CRPPA: variants seen among roughly 807,000 people sequenced by gnomAD.
CRPPA encodes CDP-L-ribitol pyrophosphorylase A.
A neutral mutation model predicts 52.0 loss-of-function variants in CRPPA; 43 were observed. The ratio of observed to expected loss-of-function variants is 0.83; its 90% confidence interval spans 0.65 to 1.07. CRPPA has a LOEUF of 1.07. Among genes scored for constraint, CRPPA ranks in the 50% least tolerant of loss-of-function variants. The pLI is 0.00. For missense variants in CRPPA, 629 were observed against 551.7 expected (o/e 1.14, Z -1.40); for synonymous variants, 250 against 203.5 (o/e 1.23, Z -1.94).
chr7:16,246,998 C>A (rs1236218359), intron 8 of CRPPA, among the ~76,000 whole-genome samples: 1 of 152,226 alleles, frequency 6.6e-6, no homozygotes, highest in Non-Finnish European at 1.5e-5. Context: ...CCCTACCTGG[C>A]ATGTTCTTCC....
At chr7:16,292,328 G>C (rs1329946370) in intron 5 of CRPPA, among the ~76,000 whole-genome samples, 2 of 151,914 alleles carry the variant, frequency 1.3e-5, no homozygotes, top group Admixed American at 6.6e-5. Context: ...CAGGAGGTCA[G>C]TTGTCCTTTT....
chr7:16,188,371 A>C (rs1781546114), intron 9 of CRPPA, among the ~76,000 whole-genome samples: 1 of 152,194 alleles, frequency 6.6e-6, no homozygotes, highest in Non-Finnish European at 1.5e-5. Flanking sequence ...ATGACTATTA[A>C]ATACATAGTT....
chr7:16,412,680 T>G (rs1283450547), intron 1 of CRPPA, among the ~76,000 whole-genome samples: 1 of 152,214 alleles, frequency 6.6e-6, no homozygotes, highest in Non-Finnish European at 1.5e-5. Flanking sequence ...CCTCACACAG[T>G]GTCTACCGAT....
chr7:16,370,550 T>C (rs1311442243), intron 3 of CRPPA, among the ~76,000 whole-genome samples: 2 of 152,044 alleles, frequency 1.3e-5, no homozygotes, highest in African/African-American at 4.8e-5. Flanking sequence ...GGAAGTCCCA[T>C]TCCTAGGGAA....
chr7:16,169,767 T>C (rs1253192842), intron 9 of CRPPA, among the ~76,000 whole-genome samples: 2 of 152,224 alleles, frequency 1.3e-5, no homozygotes, highest in Non-Finnish European at 2.9e-5. Flanking sequence ...ACACCACTTC[T>C]GGACAACTGG....
At chr7:16,308,727 T>A (rs1185367174) in intron 3 of CRPPA, 100 bp from the exon 4 acceptor site, 2 of 722,066 alleles carry the variant, frequency 2.8e-6, no homozygotes, top group African/African-American at 3.5e-5. Flanking sequence ...AGGAAGGGCC[T>A]AGGGGGCTCA....
intron 2 of CRPPA, among the ~76,000 whole-genome samples, chr7:16,402,589 G>A (rs2128317747): frequency 6.6e-6 from 1 of 151,880 alleles, no homozygotes; most frequent in East Asian, 1.9e-4. Flanking sequence ...GGCAATAGAA[G>A]ATAAAAAACA....
At chr7:16,152,358 T>C (rs2128379162) in intron 9 of CRPPA, among the ~76,000 whole-genome samples, 1 of 152,024 alleles carries the variant, frequency 6.6e-6, no homozygotes, top group South Asian at 2.1e-4. Flanking sequence ...TTTATTTTAA[T>C]AGAAAAAAAC....
At chr7:16,279,783 A>G (rs2128418072) in intron 5 of CRPPA, among the ~76,000 whole-genome samples, 1 of 152,360 alleles carries the variant, frequency 6.6e-6, no homozygotes, top group South Asian at 2.1e-4. Flanking sequence ...GTAGGTAGTC[A>G]CATAAACGTA....
At chr7:16,272,712 G>A (rs1265451189) in intron 6 of CRPPA, among the ~76,000 whole-genome samples, 2 of 152,106 alleles carry the variant, frequency 1.3e-5, no homozygotes, top group Non-Finnish European at 2.9e-5. Context: ...CAGACATTAG[G>A]TATTAGCCCT....
chr7:16,170,866 G>A (rs922683779), intron 9 of CRPPA, among the ~76,000 whole-genome samples: 42 of 152,350 alleles, frequency 2.8e-4, no homozygotes, highest in African/African-American at 1.0e-3. Context: ...CGCTCCGAGT[G>A]TGGGGGTCCC....
intron 9 of CRPPA, among the ~76,000 whole-genome samples, chr7:16,157,855 T>G (rs773964652): frequency 2.0e-5 from 3 of 151,914 alleles, no homozygotes; most frequent in Non-Finnish European, 2.9e-5. Flanking sequence ...TTTCCCTTTT[T>G]CTAAATGTAG....
chr7:16,170,791 A>G (rs1284636895), intron 9 of CRPPA, among the ~76,000 whole-genome samples: 1 of 152,024 alleles, frequency 6.6e-6, no homozygotes, highest in African/African-American at 2.4e-5. Context: ...GTGCTGGGGG[A>G]CCTGGTGCAC....
In CRPPA at chr7:16,089,207, C is replaced by T. The variant is rs753515691; in HGVS notation, c.*2488G>A. 4.0e-4 allele frequency: 138 copies of T among 346,940 alleles called. 1 individual carries two copies. The highest frequency in any genetic ancestry group is 2.9e-3 in the Middle Eastern group (3 of 1,052). The allele number at this position is 346,940 out of a possible 1,614,324, so 21.5% of individuals were successfully genotyped here. A position where few individuals can be genotyped will look rare whatever the true frequency, so the allele number is the denominator to read the frequency against. On this transcript the variant is annotated 3_prime_UTR_variant, in exon 10 of 10. Coordinates refer to ENST00000407010, the MANE Select transcript of CRPPA (RefSeq NM_001101426.4). ...ATACATATATGTGTGTATATACGTA[C>T]GTATATACATATATGTGTGTATGCG...
chr7:16,373,064 G>A (rs1404802651), intron 3 of CRPPA, among the ~76,000 whole-genome samples: 1 of 152,192 alleles, frequency 6.6e-6, no homozygotes, highest in Non-Finnish European at 1.5e-5. Context: ...GGAGGCCAAC[G>A]CAGACGGTTC....
intron 5 of CRPPA, among the ~76,000 whole-genome samples, chr7:16,279,800 C>T (rs1784284195): frequency 6.6e-6 from 1 of 152,156 alleles, no homozygotes; most frequent in African/African-American, 2.4e-5. Flanking sequence ...CGTAGTGTGA[C>T]CAACAACCAA....
chr7:16,188,903 G>T (rs768987951), intron 9 of CRPPA, among the ~76,000 whole-genome samples: 2 of 152,028 alleles, frequency 1.3e-5, no homozygotes, highest in Non-Finnish European at 2.9e-5. Flanking sequence ...TTGAGAAGTT[G>T]CTTAACAAGT....
intron 6 of CRPPA, among the ~76,000 whole-genome samples, chr7:16,275,596 C>T (rs527708491): frequency 2.6e-5 from 4 of 151,926 alleles, no homozygotes; most frequent in Middle Eastern, 3.4e-3. Context: ...GGGAGGCCAA[C>T]GTGAGAGGAT....
intron 3 of CRPPA, among the ~76,000 whole-genome samples, chr7:16,316,782 G>A (rs960346966): frequency 5.3e-5 from 8 of 152,002 alleles, no homozygotes; most frequent in Admixed American, 2.0e-4. Context: ...ACTTGAGCCC[G>A]GGAGTTCGAG....
Sources: allele counts gnomAD v4.1 joint callset (sites outside exome capture counted in the v4.1 genomes callset), GRCh38; gene constraint gnomAD v4.1.1; transcripts MANE v1.5; gene names NCBI Gene and HGNC (gene_info 2026-07-23, HGNC 2026-07-21).